The following PCDH15 variants were observed in gnomAD, a reference collection of about 807,000 sequenced individuals.
PCDH15 encodes the protein protocadherin related 15.
In PCDH15, 129 loss-of-function variants were observed where a neutral mutation model predicts 178.5. The observed-to-expected ratio is 0.72, with a 90% CI of 0.63 to 0.84. The LOEUF (loss-of-function observed/expected upper bound fraction) is 0.84. Ranked by LOEUF, PCDH15 falls within the 40% of genes least tolerant of loss-of-function variation. The pLI, the probability that PCDH15 is intolerant of heterozygous loss-of-function variation, is 0.00. For missense variants in PCDH15, 2,230 were observed against 2,099.9 expected, an observed-to-expected ratio of 1.06 and a Z score of -1.21; for synonymous variants, 800 against 732.0, an observed-to-expected ratio of 1.09 and a Z score of -1.50.
intron 25 of PCDH15, chr10:53,906,882 G>C (rs1457165299): frequency 6.6e-6 from 1 of 150,384 alleles, no homozygotes; most frequent in Non-Finnish European, 1.5e-5. Flanking sequence ...TTACCTGACT[G>C]TCCTAGTTTG....
chr10:55,145,298 C>T (rs1838474604), intron 2 of PCDH15, among the ~76,000 whole-genome samples: 1 of 151,870 alleles, frequency 6.6e-6, no homozygotes, highest in Non-Finnish European at 1.5e-5. Flanking sequence ...AAAAGGTATT[C>T]CTGAGATAAA....
At chr10:54,712,764 G>A (rs1417713500) in intron 1 of PCDH15, among the ~76,000 whole-genome samples, 1 of 151,872 alleles carries the variant, frequency 6.6e-6, no homozygotes, top group Non-Finnish European at 1.5e-5. Context: ...TTGAAGATTG[G>A]TACCAGTTTA....
At chr10:54,580,896 T>G (rs2133786444) in intron 2 of PCDH15, among the ~76,000 whole-genome samples, 1 of 152,156 alleles carries the variant, frequency 6.6e-6, no homozygotes, top group Middle Eastern at 3.4e-3. Context: ...TGATAAAATC[T>G]AACATCTCTT....
chr10:54,140,970 C>T (rs1023431671), intron 14 of PCDH15, among the ~76,000 whole-genome samples: 3 of 152,110 alleles, frequency 2.0e-5, no homozygotes, highest in African/African-American at 2.4e-5. Context: ...GCATGAGCCA[C>T]CATGCCTGAC....
chr10:54,741,664 T>C (rs1944823916), intron 1 of PCDH15, among the ~76,000 whole-genome samples: 1 of 152,008 alleles, frequency 6.6e-6, no homozygotes, highest in South Asian at 2.1e-4. Context: ...GCAGAATCCA[T>C]TTATTTGCCT....
At chr10:54,643,279 T>C (rs1404857533) in intron 2 of PCDH15, among the ~76,000 whole-genome samples, 1 of 152,048 alleles carries the variant, frequency 6.6e-6, no homozygotes, top group African/African-American at 2.4e-5. Context: ...TTTAGAAGAG[T>C]CTCCTCAAAT....
chr10:54,458,791 TG>T (rs1395732331), intron 3 of PCDH15, among the ~76,000 whole-genome samples: 1 of 152,172 alleles, frequency 6.6e-6, no homozygotes, highest in African/African-American at 2.4e-5. Context: ...CCAAGATTCT[TG>T]CCTTTGGATC....
At chr10:54,479,930 G>GA (rs1195756758) in intron 3 of PCDH15, among the ~76,000 whole-genome samples, 1 of 151,958 alleles carries the variant, frequency 6.6e-6, no homozygotes, top group African/African-American at 2.4e-5. Flanking sequence ...CCCATCTCCA[G>GA]AAAAAACTCT....
At chr10:54,655,261 AGAGAGAGAG>A (rs1565865473) in intron 2 of PCDH15, among the ~76,000 whole-genome samples, 1,640 of 71,538 alleles carry the variant, frequency 0.023, 38 homozygotes, top group African/African-American at 0.075. Context: ...AAAGAAAGAG[AGAGAGAGAG>A]AGAGAGAGAG....
intron 1 of PCDH15, among the ~76,000 whole-genome samples, chr10:54,787,183 A>G (rs1356632938): frequency 1.3e-5 from 2 of 151,862 alleles, no homozygotes; most frequent in Non-Finnish European, 2.9e-5. Context: ...AAAGTCCTAA[A>G]TGGTTGACAA....
At chr10:54,515,788 G>A (rs944362016) in intron 3 of PCDH15, among the ~76,000 whole-genome samples, 2 of 152,310 alleles carry the variant, frequency 1.3e-5, no homozygotes, top group African/African-American at 4.8e-5. Context: ...AAAACTTCCA[G>A]AGGACCCATC....
At chr10:54,037,859 A>G (rs185544582) in intron 18 of PCDH15, among the ~76,000 whole-genome samples, 1 of 152,150 alleles carries the variant, frequency 6.6e-6, no homozygotes, top group Non-Finnish European at 1.5e-5. Context: ...GTTACGTCTA[A>G]CATGACAAGT....
intron 32 of PCDH15, among the ~76,000 whole-genome samples, chr10:53,826,282 A>ATAAT (rs2076673630): frequency 6.6e-6 from 1 of 152,048 alleles, no homozygotes; most frequent in Non-Finnish European, 1.5e-5. Context: ...TTGTGTTAAA[A>ATAAT]TAATAGCATT....
chr10:54,832,559 A>T (rs2133752640), intron 3 of PCDH15, among the ~76,000 whole-genome samples: 1 of 152,288 alleles, frequency 6.6e-6, no homozygotes, highest in South Asian at 2.1e-4. Flanking sequence ...AAGATCTAAC[A>T]TGCTATTTAG....
chr10:54,822,066 A>G (rs1434396633), intron 3 of PCDH15, among the ~76,000 whole-genome samples: 1 of 152,196 alleles, frequency 6.6e-6, no homozygotes, highest in Non-Finnish European at 1.5e-5. Flanking sequence ...TATGAGGTCC[A>G]TGTGATATTT....
intron 2 of PCDH15, among the ~76,000 whole-genome samples, chr10:54,963,335 G>T (rs923283337): frequency 6.7e-5 from 10 of 148,470 alleles, no homozygotes; most frequent in Admixed American, 4.7e-4. Flanking sequence ...CATAAAATGT[G>T]TTTTTTTTTT....
At chr10:55,099,203 G>T (rs2132044031) in intron 2 of PCDH15, among the ~76,000 whole-genome samples, 1 of 152,136 alleles carries the variant, frequency 6.6e-6, no homozygotes, top group Admixed American at 6.6e-5. Context: ...TGTAGAAAAT[G>T]TGCTACACAT....
Position 53,904,019 on chromosome 10 carries a change from G to C in PCDH15, c.3374-649C>G, listed in dbSNP as rs183644665. ...GCTGCATTTTACCATTTAAATAACAGTAAATGTACCATAAATGATATGTCA... is the reference window on the plus strand; with the variant it reads ...GCTGCATTTTACCATTTAAATAACACTAAATGTACCATAAATGATATGTCA... On this transcript the variant is annotated intron_variant, in intron 25 of 37. Transcript: ENST00000644397. Among the ~76,000 whole-genome samples, 21 of 152,162 alleles carry C rather than the reference G, an allele frequency of 1.4e-4. No individual in the cohort carries two copies. The East Asian group carries it at 1.7e-3, about 13-fold the overall frequency.
At chr10:54,567,143 G>C (rs1286129219) in intron 2 of PCDH15, among the ~76,000 whole-genome samples, 1 of 152,118 alleles carries the variant, frequency 6.6e-6, no homozygotes, top group East Asian at 1.9e-4. Context: ...TTGGTTAGGT[G>C]ACTGTTACGG....
Sources: gnomAD v4.1 joint callset for allele counts (sites outside exome capture counted in the v4.1 genomes callset) on GRCh38, gnomAD v4.1.1 for gene constraint, MANE v1.5 for transcripts, NCBI Gene and HGNC (gene_info 2026-07-23, HGNC 2026-07-21) for gene names.